The following NTF3 variants were observed in gnomAD, a reference collection of about 807,000 sequenced individuals.
NTF3 encodes the protein neurotrophin 3.
In NTF3, 8 loss-of-function variants were observed where a neutral mutation model predicts 26.3. The ratio of observed to expected loss-of-function variants is 0.30; its 90% CI spans 0.18 to 0.55. The LOEUF (loss-of-function observed/expected upper bound fraction) is 0.55. NTF3 is among the 20% of genes least tolerant of loss of function. The probability of loss-of-function intolerance (pLI) is 0.93; values close to 1 mark genes in which losing one functional copy is unlikely to be tolerated. For missense variants in NTF3, 276 were observed against 352.9 expected, an observed-to-expected ratio of 0.78 and a Z score of 1.75; for synonymous variants, 154 against 145.5, an observed-to-expected ratio of 1.06 and a Z score of -0.42.
At chr12:5,482,744 T>G (rs1940822407) in intron 1 of NTF3, among the ~76,000 whole-genome samples, 1 of 151,724 alleles carries the variant, frequency 6.6e-6, no homozygotes, top group African/African-American at 2.4e-5. Flanking sequence ...CCTCACTCCG[T>G]GTCTCTCTCC....
intron 1 of NTF3, among the ~76,000 whole-genome samples, chr12:5,447,611 G>A (rs576408433): frequency 3.9e-3 from 595 of 152,350 alleles, no homozygotes; most frequent in Non-Finnish European, 6.0e-3. Flanking sequence ...TTAACACAAT[G>A]TGGGGTTTCA....
chr12:5,463,205 C>G (rs10744684), intron 1 of NTF3, among the ~76,000 whole-genome samples: 41,897 of 151,958 alleles, frequency 0.28, 6,462 homozygotes, highest in East Asian at 0.51. Context: ...CAAATCAAAT[C>G]CTTAAAATCA....
intron 1 of NTF3, among the ~76,000 whole-genome samples, chr12:5,470,426 C>A (rs1191159940): frequency 6.6e-6 from 1 of 152,248 alleles, no homozygotes; most frequent in African/African-American, 2.4e-5. Flanking sequence ...AACACCCCCT[C>A]ACGCTGAAGT....
intron 1 of NTF3, among the ~76,000 whole-genome samples, chr12:5,489,959 C>G (rs1037627822): frequency 6.6e-6 from 1 of 152,168 alleles, no homozygotes; most frequent in African/African-American, 2.4e-5. Flanking sequence ...GCTCCAGGGA[C>G]TGAGAAAACA....
chr12:5,492,588 T>G (rs1940951417), intron 1 of NTF3, among the ~76,000 whole-genome samples: 1 of 152,208 alleles, frequency 6.6e-6, no homozygotes, highest in Non-Finnish European at 1.5e-5. Flanking sequence ...CTTAGAGTCA[T>G]CTCTAAGGGT....
At chr12:5,467,261 A>T (rs1323598021) in intron 1 of NTF3, among the ~76,000 whole-genome samples, 3 of 136,200 alleles carry the variant, frequency 2.2e-5, no homozygotes, top group Non-Finnish European at 4.7e-5. Context: ...AAAAAAAAAA[A>T]AAGTCGGGGG....
At chr12:5,458,573 G>A (rs1305506290) in intron 1 of NTF3, among the ~76,000 whole-genome samples, 1 of 152,204 alleles carries the variant, frequency 6.6e-6, no homozygotes, top group Non-Finnish European at 1.5e-5. Flanking sequence ...GAAGGTGTTT[G>A]CCTGCAGAAA....
chr12:5,493,568 G>T (rs138415678), intron 1 of NTF3, among the ~76,000 whole-genome samples: 1 of 152,252 alleles, frequency 6.6e-6, no homozygotes, highest in Non-Finnish European at 1.5e-5. Context: ...ACCCTGGAAC[G>T]TAGGCCCTCT....
At chr12:5,439,509 T>G (rs547107461) in intron 1 of NTF3, among the ~76,000 whole-genome samples, 2 of 152,314 alleles carry the variant, frequency 1.3e-5, no homozygotes, top group East Asian at 3.9e-4. Context: ...CCCGGAAGCC[T>G]CCTTGTCATG....
At chr12:5,438,667 C>A (rs1191298670) in intron 1 of NTF3, among the ~76,000 whole-genome samples, 4 of 152,196 alleles carry the variant, frequency 2.6e-5, no homozygotes, top group African/African-American at 9.7e-5. Context: ...AGAGCCCAGG[C>A]CAGGGTGACC....
intron 1 of NTF3, among the ~76,000 whole-genome samples, chr12:5,479,726 A>G (rs1940764467): frequency 6.6e-6 from 1 of 152,202 alleles, no homozygotes; most frequent in South Asian, 2.1e-4. Flanking sequence ...CTGGAGATGT[A>G]AGTTTTAAAT....
intron 1 of NTF3, among the ~76,000 whole-genome samples, chr12:5,483,347 G>C (rs569686877): frequency 6.6e-6 from 1 of 152,308 alleles, no homozygotes; most frequent in South Asian, 2.1e-4. Flanking sequence ...ACCTTCAGGA[G>C]ACCAACGGTG....
intron 1 of NTF3, among the ~76,000 whole-genome samples, chr12:5,435,858 G>T (rs1183730916): frequency 1.3e-5 from 2 of 152,166 alleles, no homozygotes; most frequent in African/African-American, 2.4e-5. Context: ...ATGCACTTTG[G>T]CCTGGAGTAA....
At chr12:5,472,484 G>A (rs1940677456) in intron 1 of NTF3, among the ~76,000 whole-genome samples, 1 of 152,200 alleles carries the variant, frequency 6.6e-6, no homozygotes, top group South Asian at 2.1e-4. Context: ...CAGTATAAAT[G>A]TCAGGAATTA....
intron 1 of NTF3, among the ~76,000 whole-genome samples, chr12:5,448,910 C>T (rs1483552833): frequency 5.9e-5 from 9 of 152,218 alleles, no homozygotes; most frequent in African/African-American, 2.2e-4. Context: ...AAAAAAGCCA[C>T]TCATTCGGCA....
At chr12:5,476,984 A>G (rs1347587418) in intron 1 of NTF3, among the ~76,000 whole-genome samples, 3 of 152,128 alleles carry the variant, frequency 2.0e-5, no homozygotes, top group African/African-American at 4.8e-5. Context: ...GTATTTTTAA[A>G]TTTTTCTTCA....
Position 5,432,145 on chromosome 12 carries a change from C to T in NTF3, c.-180C>T. The T allele has an allele frequency of 7.0e-6, 5 of 716,448 alleles. No homozygotes were observed. In the East Asian group the frequency reaches 8.1e-5, roughly 12 times the overall value. 44.4% of individuals were successfully genotyped at this position (716,448 alleles called of 1,614,324 possible). A position where few individuals can be genotyped will look rare whatever the true frequency, so the allele number is the denominator to read the frequency against. On this transcript the variant is annotated 5_prime_UTR_variant, in exon 1 of 2. Coordinates refer to ENST00000423158, the MANE Select transcript of NTF3 (RefSeq NM_001102654.2). ...AGCTCCTCTCCCTTCCGAACAGCTC[C>T]GCGCACCGCCCCGCGACGCAGCCCG...
chr12:5,450,716 A>C (rs754398740), intron 1 of NTF3, among the ~76,000 whole-genome samples: 2 of 152,242 alleles, frequency 1.3e-5, no homozygotes, highest in African/African-American at 2.4e-5. Context: ...TCATTTTTGC[A>C]GACAAAGCAA....
In NTF3 at chr12:5,432,237, C is replaced by T. The variant is rs568774340; in HGVS notation, c.-88C>T. On this transcript the variant is annotated 5_prime_UTR_variant, in exon 1 of 2. Transcript: ENST00000423158. ...TTTTTCCCCTGCTGGGTAGTGGCTG[C>T]GGCGGGGTGGGGGAGACTTTGAATG... 2 of 1,421,700 alleles carry T rather than the reference C, an allele frequency of 1.4e-6. No homozygotes were observed. Among genetic ancestry groups the T allele is most frequent in the Non-Finnish European group, 2.0e-6 (2 of 1,010,074 alleles). The allele number at this position is 1,421,700 out of a possible 1,614,324, so 88.1% of individuals were successfully genotyped here. A position where few individuals can be genotyped will look rare whatever the true frequency, so the allele number is the denominator to read the frequency against.
Sources: gnomAD v4.1 joint callset for allele counts (sites outside exome capture counted in the v4.1 genomes callset) on GRCh38, gnomAD v4.1.1 for gene constraint, MANE v1.5 for transcripts, NCBI Gene and HGNC (gene_info 2026-07-23, HGNC 2026-07-21) for gene names.